The following GRM8 variants were observed in gnomAD, a reference collection of about 807,000 sequenced individuals.
The protein encoded by GRM8 is glutamate metabotropic receptor 8, also known as metabotropic glutamate receptor 8.
Under a neutral mutation model 87.2 loss-of-function variants are expected in GRM8, and 47 were observed. That is an observed-to-expected ratio of 0.54 (90% CI 0.43 to 0.69). GRM8 has a LOEUF of 0.69. Ranked by LOEUF, GRM8 falls within the 30% of genes least tolerant of loss-of-function variation. The pLI is 0.00. For missense variants in GRM8, 1,019 were observed against 1,139.2 expected (o/e 0.89, Z 1.52); for synonymous variants, 396 against 404.5 (o/e 0.98, Z 0.25).
chr7:126,608,511 C>T (rs888411730), intron 8 of GRM8, among the ~76,000 whole-genome samples: 1 of 152,262 alleles, frequency 6.6e-6, no homozygotes, highest in African/African-American at 2.4e-5. Flanking sequence ...CTCTTCAAGT[C>T]GCCCTCACAT....
chr7:126,970,379 A>G (rs1810296271), intron 3 of GRM8, among the ~76,000 whole-genome samples: 1 of 152,198 alleles, frequency 6.6e-6, no homozygotes, highest in Admixed American at 6.5e-5. Flanking sequence ...AAGTTGCTTC[A>G]GCTTCTACAT....
chr7:126,688,743 C>CAT (rs1037079173), intron 7 of GRM8, among the ~76,000 whole-genome samples: 4 of 151,134 alleles, frequency 2.6e-5, no homozygotes, highest in Admixed American at 2.6e-4. Context: ...CTTTCTGACA[C>CAT]ACACACACAC....
chr7:126,527,027 T>C (rs895282173), intron 9 of GRM8, among the ~76,000 whole-genome samples: 1 of 152,178 alleles, frequency 6.6e-6, no homozygotes, highest in Non-Finnish European at 1.5e-5. Flanking sequence ...TTAAAAAGGA[T>C]CTGCTTCAAA....
At chr7:127,176,584 G>C (rs1345057188) in intron 2 of GRM8, among the ~76,000 whole-genome samples, 1 of 152,166 alleles carries the variant, frequency 6.6e-6, no homozygotes, top group Non-Finnish European at 1.5e-5. Flanking sequence ...AATCCCAAGA[G>C]GACCCACAGA....
chr7:126,918,173 C>T (rs1165475472), intron 3 of GRM8, among the ~76,000 whole-genome samples: 1 of 152,074 alleles, frequency 6.6e-6, no homozygotes, highest in East Asian at 1.9e-4. Context: ...TGGTTCTTGC[C>T]AGCGGCCTTG....
chr7:126,569,117 A>G (rs925575886), intron 8 of GRM8, among the ~76,000 whole-genome samples: 4 of 152,126 alleles, frequency 2.6e-5, no homozygotes, highest in Admixed American at 2.0e-4. Context: ...TTTATGCCCC[A>G]AAGTTTAGCT....
chr7:126,643,219 G>T (rs1802600618), intron 7 of GRM8, among the ~76,000 whole-genome samples: 1 of 145,960 alleles, frequency 6.9e-6, no homozygotes, highest in African/African-American at 2.6e-5. Context: ...GAGCCCCATG[G>T]GGCAGAAGTT....
intron 7 of GRM8, among the ~76,000 whole-genome samples, chr7:126,653,525 T>C (rs775818569): frequency 3.7e-4 from 56 of 152,312 alleles, no homozygotes; most frequent in Admixed American, 1.4e-3. Context: ...GAAAATTACA[T>C]TGATTGTATA....
At chr7:127,059,600 T>C (rs1820413801) in intron 3 of GRM8, among the ~76,000 whole-genome samples, 1 of 152,154 alleles carries the variant, frequency 6.6e-6, no homozygotes, top group Non-Finnish European at 1.5e-5. Context: ...CCTCCCAAAG[T>C]GCTGGGATGA....
chr7:127,149,261 A>C (rs1036955895), intron 2 of GRM8, among the ~76,000 whole-genome samples: 2 of 152,068 alleles, frequency 1.3e-5, no homozygotes, highest in Non-Finnish European at 2.9e-5. Context: ...AAAAGACCTC[A>C]ATAGACATTC....
At chr7:126,787,693 T>C (rs1374041314) in intron 6 of GRM8, among the ~76,000 whole-genome samples, 2 of 152,188 alleles carry the variant, frequency 1.3e-5, no homozygotes, top group South Asian at 4.1e-4. Flanking sequence ...TTTGCTGTTA[T>C]GTTTCTGTTC....
At chr7:127,063,488 A>T (rs1472092396) in intron 3 of GRM8, among the ~76,000 whole-genome samples, 2 of 152,192 alleles carry the variant, frequency 1.3e-5, no homozygotes, top group Non-Finnish European at 2.9e-5. Context: ...AGGCAATAGG[A>T]TCACTTCAAC....
intron 7 of GRM8, among the ~76,000 whole-genome samples, chr7:126,715,007 G>A (rs1811565116): frequency 1.3e-5 from 2 of 152,098 alleles, no homozygotes; most frequent in South Asian, 4.1e-4. Context: ...AGGCAACCAC[G>A]GCTGCAGATC....
chr7:126,595,865 C>T (rs900781735), intron 8 of GRM8, among the ~76,000 whole-genome samples: 1 of 152,142 alleles, frequency 6.6e-6, no homozygotes, highest in Non-Finnish European at 1.5e-5. Context: ...CGGCTGGTCG[C>T]AGTAGCTCAT....
chr7:126,948,740 T>C (rs1243886154), intron 3 of GRM8, among the ~76,000 whole-genome samples: 2 of 152,064 alleles, frequency 1.3e-5, no homozygotes, highest in Non-Finnish European at 2.9e-5. Context: ...AATGACGCCA[T>C]CCCCTGGGGA....
intron 2 of GRM8, among the ~76,000 whole-genome samples, chr7:127,152,054 T>C (rs1410456723): frequency 1.3e-5 from 2 of 152,110 alleles, no homozygotes; most frequent in Non-Finnish European, 2.9e-5. Flanking sequence ...CTGCTATCTG[T>C]CCTTCACTTC....
intron 8 of GRM8, among the ~76,000 whole-genome samples, chr7:126,538,339 C>T (rs192359342): frequency 6.8e-4 from 103 of 152,192 alleles, no homozygotes; most frequent in African/African-American, 2.4e-3. Context: ...TAATTTTCTT[C>T]TGTATAGTTT....
At chr7:126,495,837 G>A (rs1306913729) in intron 9 of GRM8, among the ~76,000 whole-genome samples, 1 of 151,930 alleles carries the variant, frequency 6.6e-6, no homozygotes, top group East Asian at 1.9e-4. Flanking sequence ...GTGTGTTTGG[G>A]TAATGAGAAA....
At chr7:126,931,040 G>C (rs1442045454) in intron 3 of GRM8, among the ~76,000 whole-genome samples, 1 of 152,130 alleles carries the variant, frequency 6.6e-6, no homozygotes, top group Non-Finnish European at 1.5e-5. Context: ...GAAACAATTT[G>C]TCTGTGAGCA....
Sources: gnomAD v4.1 joint callset for allele counts (sites outside exome capture counted in the v4.1 genomes callset) on GRCh38, gnomAD v4.1.1 for gene constraint, MANE v1.5 for transcripts, NCBI Gene and HGNC (gene_info 2026-07-23, HGNC 2026-07-21) for gene names.